The following DST variants were observed in gnomAD, a reference collection of about 807,000 sequenced individuals.
DST encodes dystonin.
In DST, 253 loss-of-function variants were observed where a neutral mutation model predicts 875.2. The ratio of observed to expected loss-of-function variants is 0.29; its 90% confidence interval spans 0.26 to 0.32. DST has a LOEUF of 0.32. Among genes scored for constraint, DST ranks in the 10% least tolerant of loss-of-function variants. The pLI, the probability that DST is intolerant of heterozygous loss-of-function variation, is 1.00. For missense variants in DST, 8,287 were observed against 9,111.6 expected (o/e 0.91, Z 3.68); for synonymous variants, 3,124 against 3,197.1 (o/e 0.98, Z 0.77).
rs564447337 is a variant in DST at position 56,913,080 on chromosome 6, T to C, written c.217-12459A>G. 2.0e-5 allele frequency among the ~76,000 whole-genome samples: 3 copies of C among 152,324 alleles called. No individual in the cohort carries two copies. In the East Asian group the frequency reaches 5.8e-4, roughly 29 times the overall value. On this transcript the variant is annotated intron_variant, in intron 2 of 103. Transcript: ENST00000680361. ...CAAAACTAAGACAAAAAGAGCTCCA[T>C]TGACACATCTTATTACATAGCCAAA...
intron 5 of DST, 152 bp downstream of exon 5, chr6:56,735,076 T>C: frequency 1.6e-6 from 1 of 639,626 alleles, no homozygotes; most frequent in Non-Finnish European, 2.8e-6. Flanking sequence ...ACCAAATAAT[T>C]ATAGATGCCT....
chr6:56,517,141 C>A, intron 71 of DST, 57 bp downstream of exon 71: 1 of 1,258,442 alleles, frequency 7.9e-7, no homozygotes, highest in Non-Finnish European at 1.2e-6. Flanking sequence ...GGACTGAAAG[C>A]TCAACACCTG....
At chr6:56,544,944 G>C (rs1321839482) in intron 61 of DST, among the ~76,000 whole-genome samples, 2 of 151,986 alleles carry the variant, frequency 1.3e-5, no homozygotes, top group African/African-American at 2.4e-5. Flanking sequence ...AAATGTTATA[G>C]CCTCTAATGT....
intron 69 of DST, among the ~76,000 whole-genome samples, chr6:56,522,821 T>C (rs1188619253): frequency 1.3e-5 from 2 of 148,378 alleles, no homozygotes; most frequent in South Asian, 2.1e-4. Context: ...CTACTGACAG[T>C]TGTACATTAT....
intron 5 of DST, among the ~76,000 whole-genome samples, chr6:56,711,274 C>G (rs2099362237): frequency 6.6e-6 from 1 of 152,006 alleles, no homozygotes; most frequent in South Asian, 2.1e-4. Context: ...ACTGTTTCAC[C>G]TAGGTATTTT....
rs776642017 is a variant in DST at position 56,604,941 on chromosome 6, G to A, written c.9687C>T (p.Ser3229=). The A allele has an allele frequency of 5.6e-6, 9 of 1,612,464 alleles. No individual in the cohort carries two copies. The highest frequency in any genetic ancestry group is 7.6e-6 in the Non-Finnish European group (9 of 1,179,216). The change falls in exon 40 of 104, where the codon TCC becomes TCT. Residue 3229 remains serine, a synonymous_variant. Transcript: ENST00000680361. ...QLGVNNTKEK[S]TSTQKDSPLN... is the part of the protein sequence containing the mutation. ...GAGGTGAGTCTTTTTGGGTACTAGT[G>A]GACTTCTCTTTTGTATTATTAACTC...
intron 15 of DST, among the ~76,000 whole-genome samples, chr6:56,643,448 C>T (rs1313009287): frequency 6.6e-6 from 1 of 152,140 alleles, no homozygotes; most frequent in Non-Finnish European, 1.5e-5. Context: ...TACTTCTAAA[C>T]CTACTATAAA....
At chr6:56,907,204 C>T (rs1216267722) in intron 2 of DST, among the ~76,000 whole-genome samples, 1 of 152,208 alleles carries the variant, frequency 6.6e-6, no homozygotes, top group Non-Finnish European at 1.5e-5. Flanking sequence ...TCTAACCAGA[C>T]ATCCAGTCTT....
intron 62 of DST, among the ~76,000 whole-genome samples, chr6:56,535,754 A>G (rs1447473511): frequency 6.6e-6 from 1 of 152,256 alleles, no homozygotes; most frequent in African/African-American, 2.4e-5. Context: ...GAATAACAAA[A>G]GTATCCAATT....
At chr6:56,536,715 G>A in intron 62 of DST, 64 bp downstream of exon 62, 22 of 1,410,664 alleles carry the variant, frequency 1.6e-5, no homozygotes, top group Non-Finnish European at 2.1e-5. Flanking sequence ...TATGATTCAT[G>A]GTCACCACAA....
chr6:56,654,351 T>C (rs945208248), intron 10 of DST, among the ~76,000 whole-genome samples: 1 of 151,986 alleles, frequency 6.6e-6, no homozygotes, highest in South Asian at 2.1e-4. Context: ...AAATACAAGA[T>C]AGCATAAACT....
chr6:56,842,327 A>G (rs2099801139), intron 4 of DST, among the ~76,000 whole-genome samples: 1 of 152,196 alleles, frequency 6.6e-6, no homozygotes. Context: ...ACACACACTT[A>G]AAAATACATT....
intron 69 of DST, among the ~76,000 whole-genome samples, chr6:56,524,199 T>C (rs1321404705): frequency 6.6e-6 from 1 of 152,172 alleles, no homozygotes; most frequent in East Asian, 1.9e-4. Context: ...TTGAAAATTA[T>C]GAGTTTGGAA....
chr6:56,769,348 T>C (rs942324602), intron 4 of DST, among the ~76,000 whole-genome samples: 5 of 152,140 alleles, frequency 3.3e-5, no homozygotes, highest in African/African-American at 1.2e-4. Context: ...ATGGTGGAAA[T>C]GCAAAACAAT....
chr6:56,877,275 G>A (rs752196994), intron 3 of DST, among the ~76,000 whole-genome samples: 7 of 152,112 alleles, frequency 4.6e-5, no homozygotes, highest in Admixed American at 1.3e-4. Flanking sequence ...TTATTTGGCC[G>A]GGCTCAGTGG....
intron 2 of DST, chr6:56,945,606 T>A (rs1351600331): frequency 6.6e-6 from 1 of 152,124 alleles, no homozygotes; most frequent in Non-Finnish European, 1.5e-5. Flanking sequence ...GGTCTAAATT[T>A]GATAGGCAGA....
At chr6:56,531,121 C>T (rs1407674405) in intron 64 of DST, among the ~76,000 whole-genome samples, 2 of 152,068 alleles carry the variant, frequency 1.3e-5, no homozygotes, top group Admixed American at 6.6e-5. Flanking sequence ...TTACTATATT[C>T]GTAATTACCT....
intron 3 of DST, among the ~76,000 whole-genome samples, chr6:56,858,474 T>C (rs1769191487): frequency 6.6e-6 from 1 of 152,214 alleles, no homozygotes; most frequent in Non-Finnish European, 1.5e-5. Context: ...TTCCTCTAAC[T>C]GTATGGTCTC....
intron 36 of DST, chr6:56,619,680 C>T (rs779391295): frequency 6.2e-7 from 1 of 1,613,990 alleles, no homozygotes; most frequent in Non-Finnish European, 8.5e-7. Context: ...GCTTCTTCAG[C>T]TTTACCTGTG....
Sources: allele counts gnomAD v4.1 joint callset (sites outside exome capture counted in the v4.1 genomes callset), GRCh38; gene constraint gnomAD v4.1.1; transcripts MANE v1.5; gene names NCBI Gene and HGNC (gene_info 2026-07-23, HGNC 2026-07-21).